The following CARHSP1 variants were observed in gnomAD, a reference collection of about 807,000 sequenced individuals.
CARHSP1 encodes the protein calcium regulated heat stable protein 1.
A neutral mutation model predicts 12.5 loss-of-function variants in CARHSP1; 14 were observed. The observed-to-expected ratio is 1.12, with a 90% confidence interval of 0.74 to 1.75. CARHSP1 has a LOEUF of 1.75. Among genes scored for constraint, CARHSP1 ranks in the 40% most tolerant of loss-of-function variants. The probability of loss-of-function intolerance (pLI) is 0.00; values close to 1 mark genes in which losing one functional copy is unlikely to be tolerated. For missense variants in CARHSP1, 343 were observed against 201.6 expected (o/e 1.70, Z -4.25); for synonymous variants, 161 against 82.0 (o/e 1.96, Z -5.20).
chr16:8,858,655 A>AG, intron 2 of CARHSP1, 183 bp from the exon 3 acceptor site: 1 of 714,868 alleles, frequency 1.4e-6, no homozygotes, highest in Non-Finnish European at 2.2e-6. Context: ...GCTGGGGGAA[A>AG]GGACTCTTTG....
At chr16:8,861,857 G>A in intron 1 of CARHSP1, 1 of 1,188,074 alleles carries the variant, frequency 8.4e-7, no homozygotes, top group South Asian at 1.5e-5. Context: ...TGGGAGGGGA[G>A]GGCCCTGTCC....
chr16:8,866,172 T>TCGACC (rs1391577862), intron 1 of CARHSP1, among the ~76,000 whole-genome samples: 21 of 152,174 alleles, frequency 1.4e-4, no homozygotes, highest in Non-Finnish European at 5.9e-5. Flanking sequence ...CAGGCTGGTC[T>TCGACC]CGACCTCCCA....
At chr16:8,857,263 G>GTTTTTTTTTTTTTTTTTTTTTTT (rs756390920) in intron 3 of CARHSP1, among the ~76,000 whole-genome samples, 4 of 57,034 alleles carry the variant, frequency 7.0e-5, no homozygotes, top group Non-Finnish European at 1.1e-4. Flanking sequence ...GGGCAGATCT[G>GTTTTTTTTTTTTTTTTTTTTTTT]TTTTTTTTTT....
intron 1 of CARHSP1, chr16:8,860,224 A>G (rs1677487): frequency 0.99 from 978,973 of 985,324 alleles, 486,607 homozygotes; most frequent in South Asian, 1. Flanking sequence ...GCCTGCTGCG[A>G]GAGCCCAAAG....
At chr16:8,858,695 T>G in intron 2 of CARHSP1, 1 of 541,944 alleles carries the variant, frequency 1.8e-6, no homozygotes, top group East Asian at 3.0e-5. Flanking sequence ...CTCGGGCCTG[T>G]TTTCCCTCCT....
At chr16:8,857,517 C>G (rs1159576400) in intron 3 of CARHSP1, 1 of 121,780 alleles carries the variant, frequency 8.2e-6, no homozygotes, top group Non-Finnish European at 1.7e-5. Flanking sequence ...GTCTTGAAGT[C>G]CTGACCTCAG....
intron 1 of CARHSP1, among the ~76,000 whole-genome samples, chr16:8,859,659 G>A (rs1025477545): frequency 1.3e-5 from 2 of 152,246 alleles, no homozygotes; most frequent in African/African-American, 4.8e-5. Flanking sequence ...ATTTGTGGGA[G>A]GGAAGGAGGA....
At chr16:8,865,485 G>A (rs182513464) in intron 1 of CARHSP1, among the ~76,000 whole-genome samples, 18 of 152,328 alleles carry the variant, frequency 1.2e-4, no homozygotes, top group African/African-American at 3.8e-4. Flanking sequence ...AAGAGTTCAA[G>A]TCAGACACCT....
intron 1 of CARHSP1, among the ~76,000 whole-genome samples, chr16:8,864,751 G>A (rs254948): frequency 0.13 from 19,989 of 152,138 alleles, 1,599 homozygotes; most frequent in Middle Eastern, 0.24. Context: ...AGGAAGCCAC[G>A]CCCACCCTGA....
At chr16:8,861,595 C>T (rs895369887) in intron 1 of CARHSP1, 13 of 1,286,558 alleles carry the variant, frequency 1.0e-5, no homozygotes, top group East Asian at 5.6e-5. Context: ...TGCACTCTCC[C>T]GTTGGGCCTC....
At chr16:8,857,163 C>T (rs1218515558) in intron 3 of CARHSP1, among the ~76,000 whole-genome samples, 2 of 151,894 alleles carry the variant, frequency 1.3e-5, no homozygotes, top group Non-Finnish European at 2.9e-5. Context: ...CACACACATG[C>T]ACCATGCACA....
intron 1 of CARHSP1, among the ~76,000 whole-genome samples, chr16:8,861,478 C>G (rs992293002): frequency 6.6e-6 from 1 of 151,934 alleles, no homozygotes; most frequent in Admixed American, 6.6e-5. Context: ...TCCCACCGCA[C>G]CCCCCGAACC....
At chr16:8,862,955 G>A (rs145711893) in intron 1 of CARHSP1, among the ~76,000 whole-genome samples, 25 of 151,970 alleles carry the variant, frequency 1.6e-4, no homozygotes, top group Non-Finnish European at 3.1e-4. Context: ...AACACCCCAA[G>A]TGCACCCAAT....
At chr16:8,860,162 C>T (rs970217216) in intron 1 of CARHSP1, 6 of 985,320 alleles carry the variant, frequency 6.1e-6, no homozygotes, top group African/African-American at 1.7e-5. Context: ...AGCTCAAGCG[C>T]CACGTTTGGA....
In CARHSP1 at chr16:8,854,237, C is replaced by T. The variant is rs1371214352; in HGVS notation, c.*927G>A. 4 of 152,198 alleles carry T rather than the reference C, an allele frequency of 2.6e-5. No individual in the cohort carries two copies. The highest frequency in any genetic ancestry group is 4.8e-5 in the African/African-American group (2 of 41,446). The allele number at this position is 152,198 out of a possible 1,614,324, so 9.4% of individuals were successfully genotyped here. On this transcript the variant is annotated 3_prime_UTR_variant, in exon 4 of 4. Transcript: ENST00000311052. ...AAACCCCCTCTCCAAAGGTATGTTT[C>T]TCCTTCAACTTTCTTGACTTTGCCA...
At chr16:8,863,087 G>A (rs745650135) in intron 1 of CARHSP1, among the ~76,000 whole-genome samples, 9 of 149,082 alleles carry the variant, frequency 6.0e-5, no homozygotes, top group African/African-American at 2.0e-4. Flanking sequence ...GTCTCCAGAC[G>A]GTCCAGGAAT....
At chr16:8,862,695 T>C (rs1012038311) in intron 1 of CARHSP1, among the ~76,000 whole-genome samples, 12 of 152,026 alleles carry the variant, frequency 7.9e-5, no homozygotes, top group Non-Finnish European at 1.6e-4. Context: ...GCAAAGGCCC[T>C]GAGGGCCCGG....
At position 8,860,091 on chromosome 16, in the gene CARHSP1, G is replaced by A. The variant is rs1390607611; in HGVS notation, c.-7-756C>T. On this transcript the variant is annotated intron_variant, in intron 1 of 3. Coordinates refer to ENST00000311052, the MANE Select transcript of CARHSP1 (RefSeq NM_014316.4). ...GGAGCCAGACACCACAGGGAAGCAG[G>A]GGCAAAAACTGACCCTCACGCAGTG... The A allele has an allele frequency of 6.2e-6, 6 of 974,368 alleles. No individual in the cohort carries two copies. In the East Asian group the frequency reaches 5.7e-4, roughly 93 times the overall value. 60.4% of individuals were successfully genotyped at this position (974,368 alleles called of 1,614,324 possible). A position where few individuals can be genotyped will look rare whatever the true frequency, so the allele number is the denominator to read the frequency against.
At chr16:8,862,019 A>ATTTTTTTTTTTTTTTTTG (rs1555457429) in intron 1 of CARHSP1, among the ~76,000 whole-genome samples, 1 of 72,468 alleles carries the variant, frequency 1.4e-5, no homozygotes, top group Non-Finnish European at 2.9e-5. Flanking sequence ...TTTTTTTTTA[A>ATTTTTTTTTTTTTTTTTG]TTTGAGATGG....
Sources: gnomAD v4.1 joint callset for allele counts (sites outside exome capture counted in the v4.1 genomes callset) on GRCh38, gnomAD v4.1.1 for gene constraint, MANE v1.5 for transcripts, NCBI Gene and HGNC (gene_info 2026-07-23, HGNC 2026-07-21) for gene names.